Variants in DNAJC8 observed in about 807,000 individuals in gnomAD.
DNAJC8 encodes the protein DnaJ heat shock protein family (Hsp40) member C8.
In DNAJC8, 24 loss-of-function variants were observed where a neutral mutation model predicts 43.2. That is an observed-to-expected ratio of 0.56 (90% CI 0.40 to 0.78). DNAJC8 has a LOEUF of 0.78. Ranked by LOEUF, DNAJC8 falls within the 30% of genes least tolerant of loss-of-function variation. DNAJC8 has a pLI of 0.00. For missense variants in DNAJC8, 207 were observed against 299.4 expected, an observed-to-expected ratio of 0.69 and a Z score of 2.28; for synonymous variants, 83 against 98.0, an observed-to-expected ratio of 0.85 and a Z score of 0.90.
At chr1:28,212,905 T>C (rs1159108240) in intron 3 of DNAJC8, among the ~76,000 whole-genome samples, 1 of 152,196 alleles carries the variant, frequency 6.6e-6, no homozygotes, top group Non-Finnish European at 1.5e-5. Context: ...CTATATCTAA[T>C]TGGGCTGATA....
chr1:28,220,079 A>C (rs1443273835), intron 2 of DNAJC8, among the ~76,000 whole-genome samples: 1 of 152,256 alleles, frequency 6.6e-6, no homozygotes, highest in East Asian at 1.9e-4. Context: ...TTTAGGCATT[A>C]AGTGTTAACA....
chr1:28,201,101 G>C lies in DNAJC8; in HGVS notation c.*147C>G. 1.7e-6 allele frequency: 2 copies of C among 1,183,732 alleles called. No homozygotes were observed. Among genetic ancestry groups the C allele is most frequent in the South Asian group, 2.9e-5 (2 of 68,042 alleles). The allele number at this position is 1,183,732 out of a possible 1,614,324, so 73.3% of individuals were successfully genotyped here. The stretch of plus-strand genomic sequence containing the variant: ...TTTCAATGTACAAAAGAATTACTCT[G>C]ATCGATATTAAATCGTATTGAAAAC... On this transcript the variant is annotated 3_prime_UTR_variant, in exon 9 of 9. Transcript: ENST00000263697.
intron 3 of DNAJC8, 116 bp downstream of exon 3, chr1:28,214,824 C>T (rs940945210): frequency 4.4e-6 from 3 of 680,838 alleles, no homozygotes; most frequent in African/African-American, 3.7e-5. Context: ...AGTTACACAG[C>T]CTTAAAAAAA....
intron 2 of DNAJC8, among the ~76,000 whole-genome samples, chr1:28,222,532 T>C (rs12143651): frequency 0.048 from 7,210 of 150,864 alleles, 237 homozygotes; most frequent in Middle Eastern, 0.093. Context: ...TGGTAAATTT[T>C]ATGTTATGTG....
At chr1:28,213,880 G>A (rs1646833016) in intron 3 of DNAJC8, among the ~76,000 whole-genome samples, 1 of 152,066 alleles carries the variant, frequency 6.6e-6, no homozygotes, top group South Asian at 2.1e-4. Context: ...TCTGAGCATG[G>A]TGATGCACAC....
chr1:28,224,499 C>A (rs960181581), intron 2 of DNAJC8, among the ~76,000 whole-genome samples: 2 of 152,056 alleles, frequency 1.3e-5, no homozygotes, highest in Admixed American at 6.5e-5. Flanking sequence ...AACTCCTGAC[C>A]TCAAGTGATC....
intron 8 of DNAJC8, among the ~76,000 whole-genome samples, chr1:28,203,297 C>T (rs1270891298): frequency 6.6e-6 from 1 of 152,136 alleles, no homozygotes; most frequent in Non-Finnish European, 1.5e-5. Flanking sequence ...AAAGAAGAGT[C>T]AAGTTCAAAG....
intron 3 of DNAJC8, 98 bp from the exon 4 acceptor site, chr1:28,210,735 G>A (rs1206015264): frequency 2.2e-5 from 17 of 781,052 alleles, no homozygotes; most frequent in South Asian, 3.8e-5. Flanking sequence ...AAGGTCCTAC[G>A]GCAAAAAGAG....
At chr1:28,222,442 C>T (rs537737) in intron 2 of DNAJC8, among the ~76,000 whole-genome samples, 47,682 of 143,544 alleles carry the variant, frequency 0.33, 8,463 homozygotes, top group African/African-American at 0.47. Context: ...GCCGAGATCA[C>T]GCCACTACAC....
chr1:28,231,393 T>C (rs1459957435), intron 1 of DNAJC8, among the ~76,000 whole-genome samples: 1 of 152,100 alleles, frequency 6.6e-6, no homozygotes, highest in African/African-American at 2.4e-5. Context: ...ATGTGGAATA[T>C]GAAGATCTGC....
intron 2 of DNAJC8, among the ~76,000 whole-genome samples, chr1:28,217,218 A>G (rs1646862549): frequency 6.6e-6 from 1 of 151,666 alleles, no homozygotes; most frequent in African/African-American, 2.4e-5. Context: ...TGCAGCCTCG[A>G]GCTCTGGGGC....
intron 8 of DNAJC8, 21 bp downstream of exon 8, chr1:28,203,726 C>G (rs1280364430): frequency 6.2e-7 from 1 of 1,613,718 alleles, no homozygotes; most frequent in South Asian, 1.1e-5. Flanking sequence ...ATTAGAATCC[C>G]TGGCCACCTT....
chr1:28,232,332 A>G (rs1646981893), intron 1 of DNAJC8, among the ~76,000 whole-genome samples: 1 of 152,156 alleles, frequency 6.6e-6, no homozygotes, highest in African/African-American at 2.4e-5. Flanking sequence ...CATCCACTAC[A>G]TACTATGCGC....
chr1:28,210,340 T>C (rs886557062), intron 4 of DNAJC8: 9 of 566,306 alleles, frequency 1.6e-5, no homozygotes, highest in Non-Finnish European at 2.8e-5. Context: ...AAAATGATCC[T>C]ATGCAATAAC....
chr1:28,218,209 C>T (rs1348849423), intron 2 of DNAJC8, among the ~76,000 whole-genome samples: 1 of 150,978 alleles, frequency 6.6e-6, no homozygotes, highest in East Asian at 2.0e-4. Context: ...GATTCTCCTG[C>T]CTCAGCCTCC....
intron 6 of DNAJC8, among the ~76,000 whole-genome samples, chr1:28,207,751 GT>G (rs1040340569): frequency 1.5e-5 from 2 of 137,292 alleles, no homozygotes; most frequent in South Asian, 4.9e-4. Flanking sequence ...CAAATAAAAT[GT>G]TTTTTTAAAA....
chr1:28,225,752 G>C (rs1015402941), intron 2 of DNAJC8, among the ~76,000 whole-genome samples: 1 of 146,520 alleles, frequency 6.8e-6, no homozygotes, highest in African/African-American at 2.6e-5. Flanking sequence ...GCCCAGGCTG[G>C]AGTACAGTAG....
chr1:28,233,020 T>C lies in DNAJC8; in HGVS notation c.-22A>G. Reference sequence around the variant, plus strand: ...CCATTTCCCCGGCCCAGCCACCACGTGACCCTTCTGCGCAGGCGTCGCCTC... The same window carrying C: ...CCATTTCCCCGGCCCAGCCACCACGCGACCCTTCTGCGCAGGCGTCGCCTC... On this transcript the variant is annotated 5_prime_UTR_variant, in exon 1 of 9. Transcript: ENST00000263697. 6.2e-7 allele frequency: 1 copy of C among 1,609,744 alleles called. No homozygotes were observed. Among genetic ancestry groups the C allele is most frequent in the Non-Finnish European group, 8.5e-7 (1 of 1,179,926 alleles).
At chr1:28,227,074 C>CAAAAA (rs148492955) in intron 2 of DNAJC8, among the ~76,000 whole-genome samples, 1 of 94,728 alleles carries the variant, frequency 1.1e-5, no homozygotes, top group Non-Finnish European at 2.1e-5. Flanking sequence ...TCAAGCATTG[C>CAAAAA]AAAAAAAAAA....
Sources: allele counts gnomAD v4.1 joint callset (sites outside exome capture counted in the v4.1 genomes callset), GRCh38; gene constraint gnomAD v4.1.1; transcripts MANE v1.5; gene names NCBI Gene and HGNC (gene_info 2026-07-23, HGNC 2026-07-21).